Variants in RGS6 observed in about 807,000 individuals in gnomAD.
The protein encoded by RGS6 is regulator of G protein signaling 6.
In RGS6, 30 loss-of-function variants were observed where a neutral mutation model predicts 78.5. The ratio of observed to expected loss-of-function variants is 0.38; its 90% CI spans 0.29 to 0.52. The LOEUF (loss-of-function observed/expected upper bound fraction) is 0.52, where lower values mean the gene tolerates loss of function less well. Ranked by LOEUF, RGS6 falls within the 20% of genes least tolerant of loss-of-function variation. The pLI is 0.85. For synonymous variants in RGS6, 206 were observed against 206.0 expected, an observed-to-expected ratio of 1.00 and a Z score of 0.00; for missense variants, 495 against 609.7, an observed-to-expected ratio of 0.81 and a Z score of 1.98.
chr14:72,031,553 A>G (rs994505424), intron 2 of RGS6, among the ~76,000 whole-genome samples: 12 of 152,222 alleles, frequency 7.9e-5, no homozygotes, highest in Non-Finnish European at 4.4e-5. Context: ...AATGTAGATC[A>G]ACAGGAAACT....
At chr14:72,164,621 C>T (rs145868504) in intron 2 of RGS6, among the ~76,000 whole-genome samples, 1 of 152,144 alleles carries the variant, frequency 6.6e-6, no homozygotes. Flanking sequence ...GAAGCTCAGA[C>T]AACTATGAAG....
intron 3 of RGS6, among the ~76,000 whole-genome samples, chr14:72,379,922 A>G (rs570076454): frequency 1.3e-5 from 2 of 152,298 alleles, no homozygotes; most frequent in South Asian, 4.1e-4. Context: ...AAAATATACT[A>G]CAAAGCTGTA....
intron 2 of RGS6, among the ~76,000 whole-genome samples, chr14:72,122,744 T>G (rs1276497051): frequency 2.0e-5 from 3 of 151,774 alleles, no homozygotes; most frequent in African/African-American, 7.3e-5. Context: ...GTTATCGTTT[T>G]TTTTTTTTTT....
intron 2 of RGS6, among the ~76,000 whole-genome samples, chr14:72,116,656 A>C (rs2153560322): frequency 6.6e-6 from 1 of 152,192 alleles, no homozygotes; most frequent in South Asian, 2.1e-4. Context: ...TCAGATGCTA[A>C]TAGGTGCTCT....
At chr14:72,162,196 A>C (rs902255869) in intron 2 of RGS6, among the ~76,000 whole-genome samples, 2 of 146,486 alleles carry the variant, frequency 1.4e-5, no homozygotes, top group African/African-American at 5.1e-5. Flanking sequence ...AAAAAAAAAA[A>C]CTATATGAGG....
rs1566995234 is a variant in RGS6 at position 72,002,312 on chromosome 14, G to C, written c.84+37437G>C. Among the ~76,000 whole-genome samples the C allele has an allele frequency of 2.0e-5, 3 of 152,312 alleles. No individual in the cohort carries two copies. In the South Asian group the frequency reaches 6.2e-4, roughly 32 times the overall value. ...TTACTAACTAGCCCCAGATCACACA[G>C]CTTATTAGAGGCAGATTCAGGGCTA... On this transcript the variant is annotated intron_variant, in intron 2 of 17. Coordinates refer to ENST00000553525, the MANE Select transcript of RGS6 (RefSeq NM_001204424.2).
intron 2 of RGS6, among the ~76,000 whole-genome samples, chr14:71,976,099 T>A (rs1158042725): frequency 6.6e-6 from 1 of 151,820 alleles, no homozygotes; most frequent in African/African-American, 2.4e-5. Flanking sequence ...CTGCTAAACT[T>A]CTCTATTTTG....
chr14:72,329,690 T>A (rs959646438), intron 2 of RGS6, among the ~76,000 whole-genome samples: 1 of 152,202 alleles, frequency 6.6e-6, no homozygotes, highest in Non-Finnish European at 1.5e-5. Flanking sequence ...GCTAAACCCA[T>A]AGTGTGGAAG....
At chr14:72,620,093 C>G in the RGS6 span, 1 of 1,176,056 alleles carries the variant, frequency 8.5e-7, no homozygotes, top group Admixed American at 2.8e-5. Flanking sequence ...CTCACTGGAT[C>G]CCCTTTCCAG....
chr14:72,144,881 A>G (rs1446831667), intron 2 of RGS6, among the ~76,000 whole-genome samples: 1 of 152,140 alleles, frequency 6.6e-6, no homozygotes, highest in Non-Finnish European at 1.5e-5. Context: ...CTGTGCAGGA[A>G]TGAGAGTTTT....
chr14:72,363,595 A>G (rs1157929257), intron 3 of RGS6, among the ~76,000 whole-genome samples: 4 of 152,180 alleles, frequency 2.6e-5, no homozygotes, highest in Non-Finnish European at 5.9e-5. Flanking sequence ...GATTGACACA[A>G]CCTGCTGACT....
chr14:72,331,595 G>A (rs1165979043), intron 2 of RGS6, among the ~76,000 whole-genome samples: 1 of 152,128 alleles, frequency 6.6e-6, no homozygotes, highest in African/African-American at 2.4e-5. Flanking sequence ...CATAGCCCGT[G>A]GGTACTGTCC....
intron 3 of RGS6, among the ~76,000 whole-genome samples, chr14:72,413,625 G>A (rs1334364839): frequency 6.6e-6 from 1 of 152,148 alleles, no homozygotes; most frequent in Admixed American, 6.6e-5. Flanking sequence ...TTAGCTGGTT[G>A]TTTTGCTCAT....
the RGS6 span, among the ~76,000 whole-genome samples, chr14:71,908,632 G>T: frequency 6.6e-6 from 1 of 152,190 alleles, no homozygotes; most frequent in African/African-American, 2.4e-5. Context: ...CACAGGAGGG[G>T]TAGTGTCAAT....
intron 17 of RGS6, among the ~76,000 whole-genome samples, chr14:72,542,245 T>G (rs1261858132): frequency 6.6e-6 from 1 of 152,228 alleles, no homozygotes; most frequent in East Asian, 1.9e-4. Flanking sequence ...GGTGACACCA[T>G]AGCCCCACAA....
intron 2 of RGS6, among the ~76,000 whole-genome samples, chr14:72,119,800 T>C (rs1335897289): frequency 6.6e-6 from 1 of 152,200 alleles, no homozygotes; most frequent in African/African-American, 2.4e-5. Flanking sequence ...CTAATGGAAA[T>C]GCACAAATAT....
In RGS6 at chr14:72,167,580, A is replaced by C. The variant is rs182793551; in HGVS notation, c.85-184515A>C. On this transcript the variant is annotated intron_variant, in intron 2 of 17. Transcript: ENST00000553525. ...GTATTTCTACATAACAGTTCTCTGA[A>C]AGGAAACTTTGCTGTGTGCCAGATA... is the stretch of plus-strand genomic sequence containing the variant. Among the ~76,000 whole-genome samples, 131 of 152,306 alleles carry C rather than the reference A, an allele frequency of 8.6e-4. 2 individuals are homozygous for C. The highest frequency in any genetic ancestry group is 1.6e-3 in the Non-Finnish European group (110 of 68,024).
rs113223451 is a variant in RGS6, at chr14:72,370,532, C to T, written c.184+18338C>T. ...ACATCTTAACCGCACGGGGAGGGGA[C>T]GTTTTAACAAGGCCAAAGGTGATGA... On this transcript the variant is annotated intron_variant, in intron 3 of 17. Coordinates refer to ENST00000553525, the MANE Select transcript of RGS6 (RefSeq NM_001204424.2). 8.3e-3 allele frequency among the ~76,000 whole-genome samples: 1,268 copies of T among 152,172 alleles called. 6 individuals carry two copies. The highest frequency in any genetic ancestry group is 0.021 in the South Asian group (102 of 4,812).
the RGS6 span, among the ~76,000 whole-genome samples, chr14:72,605,338 T>C: frequency 0.09 from 13,693 of 152,266 alleles, 768 homozygotes; most frequent in East Asian, 0.18. Context: ...GCACAGAGGC[T>C]TGGAGATGGC....
Sources: allele counts gnomAD v4.1 joint callset (sites outside exome capture counted in the v4.1 genomes callset), GRCh38; gene constraint gnomAD v4.1.1; transcripts MANE v1.5; gene names NCBI Gene and HGNC (gene_info 2026-07-23, HGNC 2026-07-21).